HIP1: variants seen among roughly 807,000 people sequenced by gnomAD.
HIP1 encodes the protein huntingtin-interacting protein 1.
HIP1 carries 65 observed loss-of-function variants against 147.6 expected under a neutral mutation model. That is an observed-to-expected ratio of 0.44 (90% CI 0.36 to 0.54). HIP1 has a LOEUF of 0.54. Ranked by LOEUF, HIP1 falls within the 20% of genes least tolerant of loss-of-function variation. The pLI is 0.00. For missense variants in HIP1, 1,061 were observed against 1,299.6 expected (o/e 0.82, Z 2.82); for synonymous variants, 479 against 504.0 (o/e 0.95, Z 0.67).
chr7:75,701,379 G>C (rs965893621), intron 1 of HIP1, among the ~76,000 whole-genome samples: 14 of 152,028 alleles, frequency 9.2e-5, no homozygotes, highest in African/African-American at 3.1e-4. Flanking sequence ...GGGCAACAGA[G>C]CAAGACTCTG....
At chr7:75,656,664 A>G (rs1409272842) in intron 1 of HIP1, among the ~76,000 whole-genome samples, 1 of 152,012 alleles carries the variant, frequency 6.6e-6, no homozygotes, top group Non-Finnish European at 1.5e-5. Context: ...TTTGGTAGAG[A>G]CGGGGTTTCT....
intron 1 of HIP1, among the ~76,000 whole-genome samples, chr7:75,632,993 C>A (rs1563258392): frequency 6.6e-6 from 1 of 152,062 alleles, no homozygotes; most frequent in Non-Finnish European, 1.5e-5. Flanking sequence ...ATAATGCACA[C>A]TGGGGTCTGT....
chr7:75,595,247 T>TTC (rs1563230320), intron 2 of HIP1, among the ~76,000 whole-genome samples: 19 of 82,948 alleles, frequency 2.3e-4, no homozygotes, highest in African/African-American at 2.6e-4. Context: ...TTTCTTTCTT[T>TTC]CTTTCTTCCT....
Position 75,592,174 on chromosome 7 carries a change from A to G in HIP1, c.328-62T>C, listed in dbSNP as rs1327425984. 3 of 1,532,246 alleles carry G rather than the reference A, an allele frequency of 2.0e-6. No homozygotes were observed. The Admixed American group carries it at 5.0e-5, about 26-fold the overall frequency. The allele number at this position is 1,532,246 out of a possible 1,614,324, so 94.9% of individuals were successfully genotyped here. ...GAAGGAAAGAAAGACAAAGGGAAGG[A>G]GGATGGAGAGAGGCGGAGGTGAACC... On this transcript the variant is annotated intron_variant, in intron 3 of 30. Transcript: ENST00000336926.
chr7:75,727,530 A>G (rs1283605857), intron 1 of HIP1, among the ~76,000 whole-genome samples: 1 of 151,970 alleles, frequency 6.6e-6, no homozygotes, highest in Non-Finnish European at 1.5e-5. Flanking sequence ...TTCAGTGTCC[A>G]AATAAGTCAA....
chr7:75,706,619 C>T (rs574316673), intron 1 of HIP1, among the ~76,000 whole-genome samples: 2 of 122,286 alleles, frequency 1.6e-5, no homozygotes, highest in Admixed American at 9.7e-5. Flanking sequence ...CCCATCAACT[C>T]GTCATTTTTT....
intron 5 of HIP1, among the ~76,000 whole-genome samples, chr7:75,585,188 T>A (rs1327283263): frequency 1.0e-4 from 7 of 66,968 alleles, no homozygotes; most frequent in Non-Finnish European, 1.9e-4. Context: ...AAAACGTCTT[T>A]TTTTTTTTTT....
At chr7:75,697,391 T>C (rs1554518841) in intron 1 of HIP1, among the ~76,000 whole-genome samples, 1 of 151,480 alleles carries the variant, frequency 6.6e-6, no homozygotes, top group African/African-American at 2.4e-5. Context: ...CACAGTTCTC[T>C]AAAAAAACAC....
chr7:75,562,120 A>C lies in HIP1; in HGVS notation c.1071T>G (p.Ser357Arg). 1 of 1,613,854 alleles carries C rather than the reference A, an allele frequency of 6.2e-7. No homozygotes were observed. Among genetic ancestry groups the C allele is most frequent in the Non-Finnish European group, 8.5e-7 (1 of 1,179,750 alleles). The change falls in exon 12 of 31, where the codon AGT becomes AGG. Residue 357 changes from serine (S) to arginine (R), a missense_variant. This residue lies in a region of HIP1 where 810 missense variants were observed against 946.8 expected (regional missense o/e 0.86). Coordinates refer to ENST00000336926, the MANE Select transcript of HIP1 (RefSeq NM_005338.7). The part of the protein sequence containing the change: ...FDDIFGSSFS[S>R]DPFNFNSQNG... Reference sequence around the variant, plus strand: ...TTTGACTGTTGAAATTGAAGGGATCACTGCTGAATGAACTGCCAAAGATGT... The same window carrying C: ...TTTGACTGTTGAAATTGAAGGGATCCCTGCTGAATGAACTGCCAAAGATGT...
chr7:75,596,434 TG>T lies in HIP1; in HGVS notation c.184+2749del, dbSNP rs1302963628. Reference sequence around the variant, plus strand: ...AGAGTTTTGCTCTTGTTGCCCAGGCTGGAGTACAGTGGTACGATCTCGGCTC... The same window carrying T: ...AGAGTTTTGCTCTTGTTGCCCAGGCTGAGTACAGTGGTACGATCTCGGCTC... On this transcript the variant is annotated intron_variant, in intron 2 of 30. Transcript: ENST00000336926. 2.0e-5 allele frequency among the ~76,000 whole-genome samples: 3 copies of T among 152,288 alleles called. No homozygotes were observed. The East Asian group carries it at 5.8e-4, about 29-fold the overall frequency.
At chr7:75,667,928 T>C (rs113088829) in intron 1 of HIP1, among the ~76,000 whole-genome samples, 5,217 of 152,340 alleles carry the variant, frequency 0.034, 165 homozygotes, top group Non-Finnish European at 0.045. Flanking sequence ...AACAGACATC[T>C]GCAAATTCCA....
Position 75,618,758 on chromosome 7 carries a change from A to G in HIP1, c.121-19511T>C, listed in dbSNP as rs781969228. On this transcript the variant is annotated intron_variant, in intron 1 of 30. Coordinates refer to ENST00000336926, the MANE Select transcript of HIP1 (RefSeq NM_005338.7). ...AGCTCTGGGTCTCTTGCAGTGTCCA[A>G]TTTCTAGAAGTGACCTTTCTGTCAA... 6.4e-4 allele frequency among the ~76,000 whole-genome samples: 98 copies of G among 152,200 alleles called. 2 individuals carry two copies. Among genetic ancestry groups the G allele is most frequent in the Middle Eastern group, 3.4e-3 (1 of 294 alleles).
intron 1 of HIP1, among the ~76,000 whole-genome samples, chr7:75,698,513 T>A (rs1800708677): frequency 6.6e-6 from 1 of 152,144 alleles, no homozygotes; most frequent in Non-Finnish European, 1.5e-5. Context: ...GTAAAGCTGA[T>A]GTAAAAATAC....
chr7:75,639,037 C>T, intron 1 of HIP1: 1 of 980,332 alleles, frequency 1.0e-6, no homozygotes, highest in Non-Finnish European at 1.2e-6. Flanking sequence ...GGCAAAGCCC[C>T]TGCTCACACT....
At chr7:75,628,297 G>T (rs893798711) in intron 1 of HIP1, among the ~76,000 whole-genome samples, 1 of 152,102 alleles carries the variant, frequency 6.6e-6, no homozygotes, top group African/African-American at 2.4e-5. Context: ...AATCTTTTCT[G>T]AATAAATGAA....
intron 1 of HIP1, chr7:75,626,997 C>A (rs1263817400): frequency 6.6e-6 from 1 of 151,938 alleles, no homozygotes; most frequent in Non-Finnish European, 1.5e-5. Flanking sequence ...TTCTTTATAC[C>A]TTTTCATATT....
intron 18 of HIP1, 97 bp from the exon 19 acceptor site, chr7:75,555,648 C>G (rs1396316066): frequency 2.7e-5 from 36 of 1,353,424 alleles, no homozygotes; most frequent in Non-Finnish European, 3.5e-5. Context: ...TAGCTCAAGT[C>G]ATGGCCAATG....
chr7:75,736,839 TTTTC>T (rs1802034102), intron 1 of HIP1, among the ~76,000 whole-genome samples: 1 of 151,884 alleles, frequency 6.6e-6, no homozygotes, highest in South Asian at 2.1e-4. Flanking sequence ...CACTTTCTTT[TTTTC>T]TTTTTCTTTT....
intron 1 of HIP1, among the ~76,000 whole-genome samples, chr7:75,711,273 T>C (rs1257664451): frequency 6.6e-6 from 1 of 152,208 alleles, no homozygotes; most frequent in Non-Finnish European, 1.5e-5. Context: ...AGTAACTCTT[T>C]AGCAAACTCT....
Sources: allele counts gnomAD v4.1 joint callset (sites outside exome capture counted in the v4.1 genomes callset), GRCh38; gene constraint gnomAD v4.1.1; regional missense constraint gnomAD v4.1.1; transcripts MANE v1.5; gene names NCBI Gene and HGNC (gene_info 2026-07-23, HGNC 2026-07-21).